The following LTAP1 variants were observed in gnomAD, a reference collection of about 807,000 sequenced individuals.
The protein encoded by LTAP1 is HCV NS5A-transactivated protein 4.
chr1:154,219,323 TACAG>T, the LTAP1 span, among the ~76,000 whole-genome samples: 2 of 152,168 alleles, frequency 1.3e-5, no homozygotes, highest in African/African-American at 4.8e-5. Flanking sequence ...AAGGAGAAAG[TACAG>T]ACAAAGATAA....
At chr1:154,217,071 T>C in the LTAP1 span, among the ~76,000 whole-genome samples, 1 of 151,372 alleles carries the variant, frequency 6.6e-6, no homozygotes, top group African/African-American at 2.4e-5. Flanking sequence ...CTCAGCCTCC[T>C]GAGTAGCTGG....
the LTAP1 span, chr1:154,212,351 A>T: frequency 6.2e-7 from 1 of 1,614,002 alleles, no homozygotes; most frequent in Admixed American, 1.7e-5. Flanking sequence ...GCCTCCTGAT[A>T]GCGTAGGTAC....
At chr1:154,212,131 A>G in the LTAP1 span, 6 of 650,356 alleles carry the variant, frequency 9.2e-6, no homozygotes, top group African/African-American at 1.1e-4. Context: ...TGCTGGGATT[A>G]TAGGCGTGAA....
At chr1:154,210,634 C>T in the LTAP1 span, among the ~76,000 whole-genome samples, 1 of 152,096 alleles carries the variant, frequency 6.6e-6, no homozygotes, top group East Asian at 1.9e-4. Context: ...CGCACATCAT[C>T]ATGCCCGGCT....
At chr1:154,220,576 G>T in the LTAP1 span, 1 of 671,144 alleles carries the variant, frequency 1.5e-6, no homozygotes, top group East Asian at 2.7e-5. Context: ...ACAGGCAGGA[G>T]AGCTGGGAAA....
the LTAP1 span, chr1:154,212,147 G>A: frequency 1.4e-6 from 1 of 736,976 alleles, no homozygotes; most frequent in Non-Finnish European, 2.3e-6. Context: ...GTGAACCACT[G>A]TGCCCGGCCG....
chr1:154,216,678 C>T, the LTAP1 span, among the ~76,000 whole-genome samples: 2 of 152,012 alleles, frequency 1.3e-5, no homozygotes, highest in South Asian at 4.1e-4. Flanking sequence ...CCATGCCCAG[C>T]TAATTTTTTG....
the LTAP1 span, chr1:154,206,932 G>A: frequency 1.3e-5 from 2 of 156,948 alleles, no homozygotes; most frequent in Admixed American, 1.2e-4. Context: ...TCTGGTTTAA[G>A]TGGAGCACAA....
At chr1:154,218,760 G>C in the LTAP1 span, among the ~76,000 whole-genome samples, 4 of 152,330 alleles carry the variant, frequency 2.6e-5, no homozygotes, top group Admixed American at 1.3e-4. Flanking sequence ...AACTGGCATG[G>C]TGCCTGCATT....
chr1:154,220,387 C>A, the LTAP1 span: 1 of 1,614,242 alleles, frequency 6.2e-7, no homozygotes, highest in South Asian at 1.1e-5. Context: ...CCCCGGAGAG[C>A]CAGTTACTGC....
At chr1:154,219,107 G>A in the LTAP1 span, among the ~76,000 whole-genome samples, 1 of 152,172 alleles carries the variant, frequency 6.6e-6, no homozygotes, top group Non-Finnish European at 1.5e-5. Flanking sequence ...ACTTAGAAGC[G>A]AAAGACTAAA....
At chr1:154,214,398 A>G in the LTAP1 span, 1 of 1,146,404 alleles carries the variant, frequency 8.7e-7, no homozygotes, top group Non-Finnish European at 1.3e-6. Flanking sequence ...CTCTGAGAGA[A>G]AAGGAATTCT....
the LTAP1 span, chr1:154,212,000 G>A: frequency 2.8e-5 from 8 of 285,522 alleles, no homozygotes; most frequent in African/African-American, 1.7e-4. Context: ...AGGATTACAG[G>A]CATGCGCCAC....
At chr1:154,208,987 A>T in the LTAP1 span, among the ~76,000 whole-genome samples, 1 of 152,144 alleles carries the variant, frequency 6.6e-6, no homozygotes, top group Non-Finnish European at 1.5e-5. Flanking sequence ...ACCTCAGGTG[A>T]TCCACCCGCC....
the LTAP1 span, chr1:154,220,416 T>C: frequency 6.2e-7 from 1 of 1,614,166 alleles, no homozygotes; most frequent in Non-Finnish European, 8.5e-7. Context: ...ATGGCCTCCC[T>C]ACCTCGCGCA....
At chr1:154,216,777 G>C in the LTAP1 span, among the ~76,000 whole-genome samples, 1 of 151,886 alleles carries the variant, frequency 6.6e-6, no homozygotes, top group Non-Finnish European at 1.5e-5. Context: ...GCCTCCCAAA[G>C]TGCTGGGATT....
chr1:154,211,794 A>C, the LTAP1 span: 1 of 154,514 alleles, frequency 6.5e-6, no homozygotes, highest in East Asian at 1.9e-4. Context: ...AGAAAAATGC[A>C]CACAAGAAAA....
At chr1:154,216,560 C>T in the LTAP1 span, among the ~76,000 whole-genome samples, 1 of 151,680 alleles carries the variant, frequency 6.6e-6, no homozygotes, top group African/African-American at 2.4e-5. Context: ...GACTGGAGTA[C>T]AGTGGCATGA....
the LTAP1 span, among the ~76,000 whole-genome samples, chr1:154,209,590 A>G: frequency 6.7e-6 from 1 of 149,896 alleles, no homozygotes; most frequent in East Asian, 2.0e-4. Flanking sequence ...CACCACTCCC[A>G]GCTAATTTTT....
Sources: gnomAD v4.1 joint callset for allele counts (sites outside exome capture counted in the v4.1 genomes callset) on GRCh38, gnomAD v4.1.1 for gene constraint, MANE v1.5 for transcripts, NCBI Gene and HGNC (gene_info 2026-07-23, HGNC 2026-07-21) for gene names.